Variants in MPDZ observed in about 807,000 individuals in gnomAD.
MPDZ encodes multiple PDZ domain protein.
MPDZ carries 234 observed loss-of-function variants against 239.1 expected under a neutral mutation model. The observed-to-expected ratio is 0.98, with a 90% confidence interval of 0.88 to 1.09. MPDZ has a LOEUF of 1.09. MPDZ is among the 50% of genes least tolerant of loss of function. The pLI, the probability that MPDZ is intolerant of heterozygous loss-of-function variation, is 0.00. For missense variants in MPDZ, 3,175 were observed against 2,510.0 expected (o/e 1.26, Z -5.66); for synonymous variants, 1,048 against 881.3 (o/e 1.19, Z -3.35).
At chr9:13,135,021 A>G (rs1946534137) in intron 31 of MPDZ, 1 of 152,236 alleles carries the variant, frequency 6.6e-6, no homozygotes, top group Non-Finnish European at 1.5e-5. Flanking sequence ...CATGGCTAAG[A>G]AATGCCAAAT....
chr9:13,193,030 T>A, intron 14 of MPDZ, 137 bp downstream of exon 14: 1 of 766,014 alleles, frequency 1.3e-6, no homozygotes, highest in Non-Finnish European at 1.8e-6. Context: ...CTGCTTTGGG[T>A]TGTTTTTATC....
intron 1 of MPDZ, among the ~76,000 whole-genome samples, chr9:13,274,010 G>C (rs1011655531): frequency 1.3e-5 from 2 of 152,070 alleles, no homozygotes; most frequent in African/African-American, 4.8e-5. Context: ...TTGATCAACA[G>C]CTGCTCTATC....
intron 1 of MPDZ, among the ~76,000 whole-genome samples, chr9:13,273,257 G>A (rs1588262215): frequency 6.6e-6 from 1 of 152,288 alleles, no homozygotes. Flanking sequence ...GCCTAGCAAG[G>A]TATAAGAGAA....
chr9:13,222,605 G>C (rs2136313511), intron 5 of MPDZ, among the ~76,000 whole-genome samples, 159 bp from the exon 6 acceptor site: 1 of 152,026 alleles, frequency 6.6e-6, no homozygotes, highest in Non-Finnish European at 1.5e-5. Context: ...TACACGCCTT[G>C]GCTGCAGGTC....
At chr9:13,123,039 G>A (rs1194525824) in intron 36 of MPDZ, 114 bp downstream of exon 36, 5 of 1,122,624 alleles carry the variant, frequency 4.5e-6, no homozygotes, top group East Asian at 5.5e-5. Flanking sequence ...ACAAATACAG[G>A]TTTTTTCGGC....
At chr9:13,205,867 T>G (rs1383975380) in intron 11 of MPDZ, 49 bp downstream of exon 11, 3 of 1,450,178 alleles carry the variant, frequency 2.1e-6, no homozygotes, top group Non-Finnish European at 2.7e-6. Context: ...TAAAAAAAAT[T>G]GGAGACAATA....
At chr9:13,260,238 G>C (rs537667518) in intron 1 of MPDZ, among the ~76,000 whole-genome samples, 2 of 152,162 alleles carry the variant, frequency 1.3e-5, no homozygotes, top group South Asian at 4.2e-4. Flanking sequence ...AAAATCAAGA[G>C]AAGCTATGGA....
chr9:13,242,717 C>T (rs568998792), intron 3 of MPDZ, among the ~76,000 whole-genome samples: 41 of 152,136 alleles, frequency 2.7e-4, no homozygotes, highest in African/African-American at 9.6e-4. Context: ...CCTGCCAATA[C>T]CCCTCATATA....
intron 40 of MPDZ, among the ~76,000 whole-genome samples, chr9:13,115,005 C>A (rs568543963): frequency 6.6e-6 from 1 of 152,250 alleles, no homozygotes; most frequent in Admixed American, 6.5e-5. Flanking sequence ...GAAAATGAAT[C>A]ATGTCAAAAA....
At chr9:13,159,490 G>C (rs1360033504) in intron 23 of MPDZ, among the ~76,000 whole-genome samples, 1 of 152,122 alleles carries the variant, frequency 6.6e-6, no homozygotes, top group East Asian at 1.9e-4. Flanking sequence ...TTTGTCCAGA[G>C]GATGCAAGGC....
intron 1 of MPDZ, among the ~76,000 whole-genome samples, chr9:13,265,823 T>G (rs558040475): frequency 6.6e-6 from 1 of 152,166 alleles, no homozygotes; most frequent in Admixed American, 6.5e-5. Flanking sequence ...GGGGAAAGTG[T>G]TAAAGGATGG....
At position 13,222,338 on chromosome 9, in the gene MPDZ, A is replaced by G. The variant is rs1959179265; in HGVS notation, c.642T>C (p.Asp214=). The change falls in exon 6 of 47, where the codon GAT becomes GAC. Residue 214 remains aspartate (D), a synonymous_variant. Coordinates refer to ENST00000319217, the MANE Select transcript of MPDZ (RefSeq NM_001378778.1). ...QAISILQKAK[D]TVQLVIARGS... ...CTCTGGCAATAACTAGCTGGACAGT[A>G]TCTTTGGCTTTCTGCAGGATGCTGA... is the stretch of plus-strand genomic sequence containing the variant. 5 of 1,612,914 alleles carry G rather than the reference A, an allele frequency of 3.1e-6. No individual in the cohort carries two copies. Among genetic ancestry groups the G allele is most frequent in the Non-Finnish European group, 4.2e-6 (5 of 1,179,328 alleles).
intron 10 of MPDZ, among the ~76,000 whole-genome samples, chr9:13,213,242 A>G (rs1442263462): frequency 6.6e-6 from 1 of 152,094 alleles, no homozygotes; most frequent in East Asian, 1.9e-4. Flanking sequence ...GGAGACATTC[A>G]GTCTATTCCT....
intron 26 of MPDZ, among the ~76,000 whole-genome samples, chr9:13,144,244 T>A (rs942315521): frequency 5.3e-4 from 80 of 152,122 alleles, no homozygotes; most frequent in African/African-American, 1.8e-3. Context: ...AAATTGCCCA[T>A]ATTACTGGAG....
chr9:13,266,194 T>C (rs956878110), intron 1 of MPDZ, among the ~76,000 whole-genome samples: 1 of 152,242 alleles, frequency 6.6e-6, no homozygotes, highest in African/African-American at 2.4e-5. Context: ...TTTCATGATT[T>C]CCCTTTGCTG....
At position 13,222,446 on chromosome 9, in the gene MPDZ, T is replaced by C. The variant is rs1451409289; in HGVS notation, c.534A>G (p.Arg178=). The change falls in exon 6 of 47, where the codon AGA becomes AGG. Residue 178 remains arginine, a splice_region_variant and synonymous_variant. Transcript: ENST00000319217. The stretch of plus-strand genomic sequence containing the variant: ...GATCAGTTTCTTTCAATCTTCCATC[T>C]CTATCAAGGATGCAAAAGGGGATAA... ...QEIQEGSVAH[R]DGRLKETDQI... 6.2e-7 allele frequency: 1 copy of C among 1,610,048 alleles called. No homozygotes were observed. The highest frequency in any genetic ancestry group is 8.5e-7 in the Non-Finnish European group (1 of 1,177,556).
chr9:13,228,232 C>T (rs191773000), intron 3 of MPDZ, among the ~76,000 whole-genome samples: 1 of 152,150 alleles, frequency 6.6e-6, no homozygotes, highest in East Asian at 1.9e-4. Flanking sequence ...TAAGTTCTGG[C>T]TGAACATTTC....
intron 34 of MPDZ, among the ~76,000 whole-genome samples, chr9:13,125,978 TAAGA>T (rs1554648186): frequency 1.3e-5 from 2 of 152,134 alleles, no homozygotes; most frequent in Non-Finnish European, 2.9e-5. Context: ...TCTCTCACTA[TAAGA>T]AAGAAAAAGC....
At chr9:13,226,803 T>G (rs2039879558) in intron 3 of MPDZ, among the ~76,000 whole-genome samples, 1 of 152,148 alleles carries the variant, frequency 6.6e-6, no homozygotes, top group Admixed American at 6.6e-5. Context: ...GCCCTCGTTC[T>G]CTAGAAGAAT....
Sources: allele counts gnomAD v4.1 joint callset (sites outside exome capture counted in the v4.1 genomes callset), GRCh38; gene constraint gnomAD v4.1.1; transcripts MANE v1.5; gene names NCBI Gene and HGNC (gene_info 2026-07-23, HGNC 2026-07-21).